Variants in CHCHD6 observed in about 807,000 individuals in gnomAD.
The protein encoded by CHCHD6 is coiled-coil-helix-coiled-coil-helix domain containing 6, also known as MICOS complex subunit MIC25.
A neutral mutation model predicts 32.3 loss-of-function variants in CHCHD6; 28 were observed. The ratio of observed to expected loss-of-function variants is 0.87; its 90% CI spans 0.64 to 1.19. The LOEUF is 1.19. Among genes scored for constraint, CHCHD6 ranks in the 50% most tolerant of loss-of-function variants. The pLI is 0.00. For missense variants in CHCHD6, 333 were observed against 307.0 expected, an observed-to-expected ratio of 1.08 and a Z score of -0.63; for synonymous variants, 122 against 117.5, an observed-to-expected ratio of 1.04 and a Z score of -0.25.
chr3:126,832,061 A>G, intron 4 of CHCHD6, among the ~76,000 whole-genome samples: 1 of 152,222 alleles, frequency 6.6e-6, no homozygotes, highest in East Asian at 1.9e-4. Context: ...ACAATTATTC[A>G]GCTCTTATGA....
At chr3:126,932,232 C>A (rs943387094) in intron 6 of CHCHD6, among the ~76,000 whole-genome samples, 6 of 152,178 alleles carry the variant, frequency 3.9e-5, no homozygotes, top group Admixed American at 6.5e-5. Flanking sequence ...CTGCCTGTGC[C>A]AGTGTGCTGT....
intron 4 of CHCHD6, among the ~76,000 whole-genome samples, chr3:126,764,603 A>C (rs1576387502): frequency 6.6e-6 from 1 of 152,124 alleles, no homozygotes; most frequent in Admixed American, 6.6e-5. Flanking sequence ...AGGCTGCCGG[A>C]AGATCTAAGT....
chr3:126,850,984 C>T (rs908522673), intron 4 of CHCHD6, among the ~76,000 whole-genome samples: 14 of 152,272 alleles, frequency 9.2e-5, no homozygotes, highest in East Asian at 3.9e-4. Context: ...ATTTTTAGAT[C>T]CCCTGCAGCT....
At chr3:126,823,963 T>C (rs1014162180) in intron 4 of CHCHD6, among the ~76,000 whole-genome samples, 1 of 152,176 alleles carries the variant, frequency 6.6e-6, no homozygotes, top group Non-Finnish European at 1.5e-5. Flanking sequence ...TAGTCCCAGC[T>C]ACTCAGGGTG....
Position 126,960,218 on chromosome 3 carries a change from C to T in CHCHD6, c.*17C>T, listed in dbSNP as rs538287620. 6.4e-6 allele frequency: 10 copies of T among 1,551,400 alleles called. No individual in the cohort carries two copies. In the South Asian group the frequency reaches 1.1e-4, roughly 17 times the overall value. On this transcript the variant is annotated 3_prime_UTR_variant, in exon 8 of 8. Transcript: ENST00000290913. ...TAGGGCTGAGGAGCAGACATCATTC[C>T]CTGCCCTGGCAGTGACTTGGAGCCC...
chr3:126,731,093 G>A (rs1935777714), intron 3 of CHCHD6, among the ~76,000 whole-genome samples: 1 of 93,828 alleles, frequency 1.1e-5, no homozygotes, highest in Non-Finnish European at 1.9e-5. Flanking sequence ...TGGTGACCCT[G>A]TCTCTAAAAA....
At chr3:126,757,206 G>C (rs999272984) in intron 4 of CHCHD6, among the ~76,000 whole-genome samples, 16 of 152,282 alleles carry the variant, frequency 1.1e-4, no homozygotes, top group Admixed American at 9.2e-4. Flanking sequence ...TTTGGATTTT[G>C]GGTTTTCAGA....
At chr3:126,802,433 C>G (rs374218284) in intron 4 of CHCHD6, among the ~76,000 whole-genome samples, 3 of 152,114 alleles carry the variant, frequency 2.0e-5, no homozygotes, top group Non-Finnish European at 2.9e-5. Context: ...GCCTCAGGAG[C>G]TGATGCGATC....
intron 4 of CHCHD6, among the ~76,000 whole-genome samples, chr3:126,804,099 C>T (rs1483886999): frequency 3.3e-5 from 5 of 151,828 alleles, no homozygotes; most frequent in African/African-American, 1.2e-4. Flanking sequence ...TAAATGCCCA[C>T]AAGAGAAAGC....
rs2077785841 is a variant in CHCHD6, at chr3:126,892,956, GTT to G, written c.496-21721_496-21720del. 3.0e-5 allele frequency among the ~76,000 whole-genome samples: 4 copies of G among 134,300 alleles called. 1 individual carries two copies. The highest frequency in any genetic ancestry group is 2.7e-5 in the African/African-American group (1 of 37,380). 88.1% of individuals were successfully genotyped at this position (134,300 alleles called of 152,430 possible). On this transcript the variant is annotated intron_variant, in intron 5 of 7. Transcript: ENST00000290913. Reference sequence around the variant, plus strand: ...TTTTTCTTTTTTTGTTGTTGTTGTTGTTTTGTTTTGTTTTGTTTTGTTTTGTT... The same window carrying G: ...TTTTTCTTTTTTTGTTGTTGTTGTTGTTGTTTTGTTTTGTTTTGTTTTGTT...
At chr3:126,864,245 C>T (rs1942141187) in intron 5 of CHCHD6, among the ~76,000 whole-genome samples, 1 of 150,966 alleles carries the variant, frequency 6.6e-6, no homozygotes, top group Non-Finnish European at 1.5e-5. Flanking sequence ...CCTCCTCCTC[C>T]ACCATCACCA....
intron 4 of CHCHD6, chr3:126,766,898 C>T: frequency 9.7e-7 from 1 of 1,026,808 alleles, no homozygotes; most frequent in Non-Finnish European, 1.5e-6. Context: ...TCATCCTGCT[C>T]TGCGTGGCCC....
chr3:126,767,285 C>T, intron 4 of CHCHD6: 3 of 1,216,238 alleles, frequency 2.5e-6, no homozygotes, highest in Non-Finnish European at 3.7e-6. Flanking sequence ...GCCCAGCTGC[C>T]CCATCTTGTT....
chr3:126,778,520 T>C, intron 4 of CHCHD6, among the ~76,000 whole-genome samples: 1 of 152,250 alleles, frequency 6.6e-6, no homozygotes, highest in East Asian at 1.9e-4. Context: ...GCTAATGATG[T>C]TGAATATCTT....
chr3:126,949,584 C>T (rs537002855), intron 6 of CHCHD6: 1 of 149,710 alleles, frequency 6.7e-6, no homozygotes, highest in Admixed American at 7.6e-5. Context: ...AGGCTGCTGC[C>T]CGGACTGCCG....
rs184903648 is a variant in CHCHD6 at position 126,948,007 on chromosome 3, G to A, written c.567-9409G>A. Among the ~76,000 whole-genome samples the A allele has an allele frequency of 8.7e-4, 133 of 152,310 alleles. 1 individual carries two copies. Among genetic ancestry groups the A allele is most frequent in the Admixed American group, 7.3e-3 (111 of 15,306 alleles). On this transcript the variant is annotated intron_variant, in intron 6 of 7. Transcript: ENST00000290913. ...CATGTGGTGGGCATTGAAGTGTAGC[G>A]GCTATTGCTGATGTGCGCCTGGGCC... is the stretch of plus-strand genomic sequence containing the variant.
intron 6 of CHCHD6, among the ~76,000 whole-genome samples, chr3:126,943,488 A>G (rs2078592404): frequency 6.6e-6 from 1 of 152,076 alleles, no homozygotes; most frequent in South Asian, 2.1e-4. Flanking sequence ...TGGTTGTTCT[A>G]AGGGAAGTCA....
At chr3:126,838,950 A>G (rs1254359521) in intron 4 of CHCHD6, among the ~76,000 whole-genome samples, 1 of 147,710 alleles carries the variant, frequency 6.8e-6, no homozygotes, top group Non-Finnish European at 1.5e-5. Flanking sequence ...ATGCAGTGAC[A>G]TTATCATAGC....
chr3:126,949,565 CGG>C, intron 6 of CHCHD6: 1 of 159,038 alleles, frequency 6.3e-6, no homozygotes, highest in Non-Finnish European at 1.3e-5. Flanking sequence ...CCGCCGTGGA[CGG>C]AAGGGAAGGC....
Sources: gnomAD v4.1 joint callset for allele counts (sites outside exome capture counted in the v4.1 genomes callset) on GRCh38, gnomAD v4.1.1 for gene constraint, MANE v1.5 for transcripts, NCBI Gene and HGNC (gene_info 2026-07-23, HGNC 2026-07-21) for gene names.